Variants in RPS6KC1 observed in about 807,000 individuals in gnomAD.
The protein encoded by RPS6KC1 is inactive ribosomal protein S6 kinase delta-1.
A neutral mutation model predicts 103.8 loss-of-function variants in RPS6KC1; 54 were observed. The ratio of observed to expected loss-of-function variants is 0.52; its 90% CI spans 0.42 to 0.65. The LOEUF (loss-of-function observed/expected upper bound fraction) is 0.65, where lower values mean the gene tolerates loss of function less well. RPS6KC1 is among the 30% of genes least tolerant of loss of function. The pLI is 0.00. For missense variants in RPS6KC1, 1,151 were observed against 1,253.8 expected (o/e 0.92, Z 1.24); for synonymous variants, 439 against 438.7 (o/e 1.00, Z -0.01).
At chr1:213,523,681 T>TG in the RPS6KC1 span, among the ~76,000 whole-genome samples, 735 of 152,310 alleles carry the variant, frequency 4.8e-3, 20 homozygotes, top group Non-Finnish European at 1.2e-3. Context: ...CAAAGTTTAG[T>TG]GGGGGTTACA....
chr1:213,733,646 T>A, the RPS6KC1 span, among the ~76,000 whole-genome samples: 1 of 151,976 alleles, frequency 6.6e-6, no homozygotes, highest in African/African-American at 2.4e-5. Flanking sequence ...GTTGGAAACT[T>A]GACAATTTCT....
intron 8 of RPS6KC1, among the ~76,000 whole-genome samples, chr1:213,195,091 TTTG>T (rs1272948823): frequency 6.6e-6 from 1 of 152,134 alleles, no homozygotes; most frequent in Non-Finnish European, 1.5e-5. Context: ...ATGCAACACT[TTTG>T]TTTTTTAATT....
At chr1:213,336,544 G>T in the RPS6KC1 span, among the ~76,000 whole-genome samples, 10 of 152,182 alleles carry the variant, frequency 6.6e-5, no homozygotes, top group Admixed American at 6.5e-4. Flanking sequence ...GTCATTATTT[G>T]GTATGGGGGA....
chr1:213,262,738 T>A lies in RPS6KC1; in HGVS notation c.3012T>A (p.His1004Gln). 2 of 1,609,456 alleles carry A rather than the reference T, an allele frequency of 1.2e-6. No homozygotes were observed. The highest frequency in any genetic ancestry group is 1.7e-6 in the Non-Finnish European group (2 of 1,175,712). The change falls in exon 14 of 15, where the codon CAT becomes CAA. Residue 1004 changes from histidine (H) to glutamine (Q), a missense_variant. Coordinates refer to ENST00000366960, the MANE Select transcript of RPS6KC1 (RefSeq NM_012424.6). ...TGTTTCAGACTCTGGTTGAATGCCA[T>A]CCAGCAGGAATAAATACTCACACTA... ...LLTGKTLVEC[H>Q]PAGINTHTTL...
the RPS6KC1 span, among the ~76,000 whole-genome samples, chr1:213,858,372 G>T: frequency 1.3e-5 from 2 of 152,140 alleles, no homozygotes; most frequent in Non-Finnish European, 2.9e-5. Context: ...GCTCCTCAAG[G>T]CTCTTTCTAA....
rs2094291796 is a variant in RPS6KC1, at chr1:213,239,032, C to G, written c.1226-1670C>G. ...TAAAGAATATAGACTCAATGCATAG[C>G]TCCTTTTAAACTTCAGTTGAAATAT... On this transcript the variant is annotated intron_variant, in intron 10 of 14. Coordinates refer to ENST00000366960, the MANE Select transcript of RPS6KC1 (RefSeq NM_012424.6). 3.3e-5 allele frequency among the ~76,000 whole-genome samples: 5 copies of G among 152,120 alleles called. No individual in the cohort carries two copies. The South Asian group carries it at 1.0e-3, about 31-fold the overall frequency.
At chr1:213,671,815 CA>C in the RPS6KC1 span, among the ~76,000 whole-genome samples, 1 of 151,952 alleles carries the variant, frequency 6.6e-6, no homozygotes, top group African/African-American at 2.4e-5. Context: ...AAAACAAAAA[CA>C]AAGAAATGAT....
At chr1:213,748,909 T>C in the RPS6KC1 span, among the ~76,000 whole-genome samples, 2 of 152,186 alleles carry the variant, frequency 1.3e-5, no homozygotes, top group African/African-American at 4.8e-5. Flanking sequence ...GGATACCTCA[T>C]GTAAATGGCA....
the RPS6KC1 span, among the ~76,000 whole-genome samples, chr1:213,615,683 C>T: frequency 3.9e-5 from 6 of 152,234 alleles, no homozygotes; most frequent in Non-Finnish European, 7.3e-5. Context: ...CCACAGAACG[C>T]GCCATCTGGG....
At chr1:213,649,956 C>T in the RPS6KC1 span, among the ~76,000 whole-genome samples, 9 of 152,286 alleles carry the variant, frequency 5.9e-5, no homozygotes, top group South Asian at 8.3e-4. Context: ...GACACTTTAT[C>T]GGTGCTATCT....
At chr1:213,636,959 G>A in the RPS6KC1 span, among the ~76,000 whole-genome samples, 5 of 152,260 alleles carry the variant, frequency 3.3e-5, no homozygotes, top group African/African-American at 1.2e-4. Context: ...CAAAGGATAT[G>A]AACAGGCACT....
chr1:213,514,341 T>C, the RPS6KC1 span, among the ~76,000 whole-genome samples: 2 of 151,698 alleles, frequency 1.3e-5, no homozygotes, highest in Non-Finnish European at 2.9e-5. Context: ...TAACTCATCA[T>C]TTAACATTAG....
At chr1:213,245,187 G>T (rs548415710) in intron 12 of RPS6KC1, among the ~76,000 whole-genome samples, 2 of 152,254 alleles carry the variant, frequency 1.3e-5, no homozygotes, top group East Asian at 3.9e-4. Flanking sequence ...CATAGGCAGT[G>T]CTACTGATAA....
intron 8 of RPS6KC1, among the ~76,000 whole-genome samples, chr1:213,218,708 A>G (rs2093738136): frequency 6.6e-6 from 1 of 152,218 alleles, no homozygotes; most frequent in South Asian, 2.1e-4. Context: ...GCCCTCAGAA[A>G]TAACGCCGCA....
intron 6 of RPS6KC1, among the ~76,000 whole-genome samples, chr1:213,162,657 T>A (rs142939832): frequency 1.3e-5 from 2 of 152,114 alleles, no homozygotes; most frequent in East Asian, 3.8e-4. Context: ...GAAAAATAGG[T>A]TAGGGAGCAG....
chr1:213,244,955 T>C (rs528784147), intron 12 of RPS6KC1, among the ~76,000 whole-genome samples: 1 of 152,318 alleles, frequency 6.6e-6, no homozygotes, highest in Admixed American at 6.5e-5. Context: ...TTGTGAACAA[T>C]GTGGAAAGGC....
chr1:213,448,574 C>CA, the RPS6KC1 span, among the ~76,000 whole-genome samples: 1 of 152,076 alleles, frequency 6.6e-6, no homozygotes, highest in Non-Finnish European at 1.5e-5. Flanking sequence ...GACCTGGTCC[C>CA]AGCGCCGGTG....
chr1:213,369,381 C>A, the RPS6KC1 span, among the ~76,000 whole-genome samples: 1 of 152,208 alleles, frequency 6.6e-6, no homozygotes, highest in Non-Finnish European at 1.5e-5. Flanking sequence ...GAGATGGACA[C>A]AAGAATATTC....
the RPS6KC1 span, among the ~76,000 whole-genome samples, chr1:213,538,625 C>T: frequency 3.9e-5 from 6 of 152,036 alleles, no homozygotes; most frequent in South Asian, 1.2e-3. Flanking sequence ...GTTTCTGGAG[C>T]AGAAGGTCAG....
Sources: gnomAD v4.1 joint callset for allele counts (sites outside exome capture counted in the v4.1 genomes callset) on GRCh38, gnomAD v4.1.1 for gene constraint, MANE v1.5 for transcripts, NCBI Gene and HGNC (gene_info 2026-07-23, HGNC 2026-07-21) for gene names.